Variants in STARD3 observed in about 807,000 individuals in gnomAD.
STARD3 encodes StAR related lipid transfer domain containing 3.
In STARD3, 39 loss-of-function variants were observed where a neutral mutation model predicts 62.0. The observed-to-expected ratio is 0.63, with a 90% confidence interval of 0.49 to 0.82. STARD3 has a LOEUF of 0.82. Ranked by LOEUF, STARD3 falls within the 40% of genes least tolerant of loss-of-function variation. The pLI is 0.00. For synonymous variants in STARD3, 229 were observed against 242.4 expected, an observed-to-expected ratio of 0.94 and a Z score of 0.51; for missense variants, 543 against 584.5, an observed-to-expected ratio of 0.93 and a Z score of 0.73.
At chr17:39,654,635 A>G (rs765430504) in intron 2 of STARD3, among the ~76,000 whole-genome samples, 1 of 151,578 alleles carries the variant, frequency 6.6e-6, no homozygotes, top group Non-Finnish European at 1.5e-5. Context: ...GAAGCAGGGC[A>G]CCCCAGGCTC....
At chr17:39,649,092 A>T (rs1489473028) in intron 1 of STARD3, among the ~76,000 whole-genome samples, 1 of 152,122 alleles carries the variant, frequency 6.6e-6, no homozygotes, top group Non-Finnish European at 1.5e-5. Context: ...GGAGAGAAAG[A>T]CTCATAAATG....
chr17:39,648,621 C>T (rs2057048809), intron 1 of STARD3, among the ~76,000 whole-genome samples: 1 of 152,140 alleles, frequency 6.6e-6, no homozygotes, highest in African/African-American at 2.4e-5. Flanking sequence ...AGTGCTCTGC[C>T]TACTGTACAG....
rs377420619 is a variant in STARD3 at position 39,658,705 on chromosome 17, C to T, written c.548-17C>T. ...GGTGTAACTGTCCTCGGTCCGGGAC[C>T]GAGTCTGCTCCTCCAGGGTATCTTG... On this transcript the variant is annotated splice_polypyrimidine_tract_variant and intron_variant, in intron 6 of 14. Coordinates refer to ENST00000336308, the MANE Select transcript of STARD3 (RefSeq NM_006804.4). The T allele has an allele frequency of 2.9e-5, 46 of 1,613,646 alleles. No homozygotes were observed. Among genetic ancestry groups the T allele is most frequent in the Non-Finnish European group, 3.7e-5 (44 of 1,179,886 alleles).
chr17:39,658,952 T>G, intron 7 of STARD3, 99 bp from the exon 8 acceptor site: 1 of 1,568,808 alleles, frequency 6.4e-7, no homozygotes, highest in Admixed American at 1.7e-5. Flanking sequence ...CCACACACTT[T>G]TATCCCCCAC....
At chr17:39,654,610 TA>T (rs2057109868) in intron 2 of STARD3, among the ~76,000 whole-genome samples, 1 of 138,890 alleles carries the variant, frequency 7.2e-6, no homozygotes, top group Non-Finnish European at 1.5e-5. Context: ...CAAGCCCACA[TA>T]AGCAGGAGCC....
At chr17:39,658,110 G>A in intron 5 of STARD3, 84 bp downstream of exon 5, 1 of 1,447,778 alleles carries the variant, frequency 6.9e-7, no homozygotes, top group African/African-American at 1.4e-5. Flanking sequence ...TCTAATTTGG[G>A]GTGTCTGTCC....
Position 39,658,753 on chromosome 17 carries a change from T to G in STARD3, c.579T>G (p.Arg193=), listed in dbSNP as rs762631575. 2.8e-5 allele frequency: 45 copies of G among 1,613,972 alleles called. 1 individual carries two copies. In the South Asian group the frequency reaches 4.9e-4, roughly 18 times the overall value. ...WYLAAQVAVA[R]GPLLFSGALS... Reference sequence around the variant, plus strand: ...TTGCCGCCCAGGTTGCTGTTGCCCGTGGACCCCTGCTGTTCTCCGGTGCTC... The same window carrying G: ...TTGCCGCCCAGGTTGCTGTTGCCCGGGGACCCCTGCTGTTCTCCGGTGCTC... Residue 193 remains arginine (R), a synonymous_variant, in exon 7 of 15, where the codon CGT becomes CGG. Coordinates refer to ENST00000336308, the MANE Select transcript of STARD3 (RefSeq NM_006804.4).
At chr17:39,653,172 A>G (rs112445971) in intron 1 of STARD3, 13,202 of 347,876 alleles carry the variant, frequency 0.038, 377 homozygotes, top group Non-Finnish European at 0.055. Context: ...GGAGCAGGCT[A>G]CAGCCCCAGG....
At chr17:39,650,920 A>T (rs2057072195) in intron 1 of STARD3, among the ~76,000 whole-genome samples, 1 of 152,252 alleles carries the variant, frequency 6.6e-6, no homozygotes, top group African/African-American at 2.4e-5. Context: ...GTCTGGCTGC[A>T]AACAAAAGGG....
At chr17:39,661,166 GCTGGGCACTT>G in intron 13 of STARD3, 81 bp downstream of exon 13, 2 of 1,299,882 alleles carry the variant, frequency 1.5e-6, no homozygotes, top group Non-Finnish European at 2.2e-6. Flanking sequence ...AGCATGTACA[GCTGGGCACTT>G]CCCCTGCTGA....
rs1401819445 is a variant in STARD3 at position 39,662,195 on chromosome 17, G to GC, written c.1140-56_1140-55insC. ...AGTGTGAGTGGTAGGGGCTGCGGGG[G>GC]GGTGTCAGGGCCTCACTCTGTTCCA... On this transcript the variant is annotated intron_variant, in intron 13 of 14. Coordinates refer to ENST00000336308, the MANE Select transcript of STARD3 (RefSeq NM_006804.4). 6.6e-6 allele frequency: 10 copies of GC among 1,507,474 alleles called. No individual in the cohort carries two copies. The African/African-American group carries it at 1.4e-4, about 21-fold the overall frequency. The allele number at this position is 1,507,474 out of a possible 1,614,324, so 93.4% of individuals were successfully genotyped here.
intron 1 of STARD3, among the ~76,000 whole-genome samples, chr17:39,642,300 G>A (rs2056988802): frequency 6.6e-6 from 1 of 152,222 alleles, no homozygotes; most frequent in Non-Finnish European, 1.5e-5. Flanking sequence ...GTCAGGCTCA[G>A]GGAGGGGAGC....
intron 7 of STARD3, 44 bp downstream of exon 7, chr17:39,658,864 T>G (rs1271841006): frequency 1.1e-5 from 18 of 1,603,542 alleles, no homozygotes; most frequent in Non-Finnish European, 1.5e-5. Context: ...GGAGGGGCCT[T>G]GTGAGGAATG....
At chr17:39,641,893 A>G (rs555990045) in intron 1 of STARD3, among the ~76,000 whole-genome samples, 36 of 152,296 alleles carry the variant, frequency 2.4e-4, no homozygotes, top group African/African-American at 8.7e-4. Flanking sequence ...TATCATGGCC[A>G]GGCACTGTGA....
intron 1 of STARD3, among the ~76,000 whole-genome samples, chr17:39,645,881 C>CTTTTTTT (rs71147368): frequency 5.4e-5 from 3 of 55,616 alleles, no homozygotes; most frequent in African/African-American, 1.8e-4. Flanking sequence ...GGATTCTTGC[C>CTTTTTTT]TTTTTTTTTT....
At chr17:39,655,688 AT>A (rs1435822176) in intron 2 of STARD3, among the ~76,000 whole-genome samples, 1 of 152,108 alleles carries the variant, frequency 6.6e-6, no homozygotes, top group African/African-American at 2.4e-5. Context: ...TTAAAATTGT[AT>A]TGATTTTCAG....
chr17:39,660,425 T>G lies in STARD3; in HGVS notation c.859-6T>G. 6.2e-7 allele frequency: 1 copy of G among 1,613,620 alleles called. No individual in the cohort carries two copies. The highest frequency in any genetic ancestry group is 8.5e-7 in the Non-Finnish European group (1 of 1,179,990). On this transcript the variant is annotated splice_polypyrimidine_tract_variant and splice_region_variant and intron_variant, in intron 10 of 14. Coordinates refer to ENST00000336308, the MANE Select transcript of STARD3 (RefSeq NM_006804.4). The surrounding 1 kb of genome is among the most constrained non-coding windows in gnomAD (Gnocchi z 4.8). ...CACCACCCAGCCCTCTGCCGCCCTG[T>G]CCCAGACCTTCCTGCCCTGTCCTGC...
chr17:39,643,895 G>C (rs1025126742), intron 1 of STARD3, among the ~76,000 whole-genome samples: 1 of 152,250 alleles, frequency 6.6e-6, no homozygotes. Flanking sequence ...CCTGCAAGGA[G>C]TAGGTGATAT....
In STARD3 at chr17:39,662,941, C is replaced by A. The variant is rs747232589; in HGVS notation, c.*33C>A. The stretch of plus-strand genomic sequence containing the variant: ...CCCTCCCACCCTGCGGGCCAGGGTC[C>A]TGTCGCCACCACTTCCAGAGCCAGA... On this transcript the variant is annotated 3_prime_UTR_variant, in exon 15 of 15. Transcript: ENST00000336308. 1.3e-6 allele frequency: 2 copies of A among 1,577,794 alleles called. No homozygotes were observed. The highest frequency in any genetic ancestry group is 1.7e-6 in the Non-Finnish European group (2 of 1,158,548).
Sources: gnomAD v4.1 joint callset for allele counts (sites outside exome capture counted in the v4.1 genomes callset) on GRCh38, gnomAD v4.1.1 for gene constraint, Gnocchi (gnomAD v3.1) non-coding constraint, MANE v1.5 for transcripts, NCBI Gene and HGNC (gene_info 2026-07-23, HGNC 2026-07-21) for gene names.